The following MED19 variants were observed in gnomAD, a reference collection of about 807,000 sequenced individuals.
MED19 encodes mediator complex subunit 19.
A neutral mutation model predicts 19.9 loss-of-function variants in MED19; 4 were observed. The observed-to-expected ratio is 0.20, with a 90% CI of 0.10 to 0.46. The LOEUF is 0.46. Among genes scored for constraint, MED19 ranks in the 20% least tolerant of loss-of-function variants. The pLI is 0.99. For synonymous variants in MED19, 139 were observed against 119.6 expected (o/e 1.16, Z -1.06); for missense variants, 303 against 318.7 (o/e 0.95, Z 0.38).
At chr11:57,709,755 C>T (rs997907680) in intron 1 of MED19, among the ~76,000 whole-genome samples, 2 of 152,038 alleles carry the variant, frequency 1.3e-5, no homozygotes, top group Admixed American at 6.6e-5. Flanking sequence ...GAGATGGGGT[C>T]TCATTATGTT....
intron 1 of MED19, among the ~76,000 whole-genome samples, chr11:57,706,805 T>G (rs1946513693): frequency 6.6e-6 from 1 of 152,212 alleles, no homozygotes; most frequent in Non-Finnish European, 1.5e-5. Context: ...TCTGGCTGTC[T>G]TCCATGCCTC....
Position 57,704,464 on chromosome 11 carries a change from G to A in MED19, c.572-68C>T, listed in dbSNP as rs1441302282. On this transcript the variant is annotated intron_variant, in intron 3 of 4. Coordinates refer to ENST00000431606, the Ensembl canonical transcript of MED19. ...TCCTCTACTGTTATGAACCACTGAA[G>A]ACTACAGGAAAATCCCAAGTCGGGG... The A allele has an allele frequency of 1.9e-6, 3 of 1,540,338 alleles. No individual in the cohort carries two copies. In the South Asian group the frequency reaches 3.7e-5, roughly 19 times the overall value.
chr11:57,709,020 G>A (rs560677239), intron 1 of MED19, among the ~76,000 whole-genome samples: 1 of 152,310 alleles, frequency 6.6e-6, no homozygotes, highest in Admixed American at 6.5e-5. Flanking sequence ...GAACTTCAAA[G>A]TACTATACCA....
At chr11:57,712,032 T>C (rs998467748) in exon 1 of MED19, 4 of 1,536,292 alleles carry the variant, frequency 2.6e-6, no homozygotes, top group Non-Finnish European at 3.5e-6. Context: ...GGAGGAGCCG[T>C]GGCCGCGGTG....
chr11:57,710,514 GT>G (rs1946554657), intron 1 of MED19, among the ~76,000 whole-genome samples: 1 of 152,054 alleles, frequency 6.6e-6, no homozygotes, highest in African/African-American at 2.4e-5. Flanking sequence ...CTGATTTTCT[GT>G]CCCTCAGATA....
chr11:57,705,251 T>G, intron 1 of MED19, 22 bp from the exon 2 acceptor site: 1 of 1,607,816 alleles, frequency 6.2e-7, no homozygotes, highest in Non-Finnish European at 8.5e-7. Flanking sequence ...AGAATAAAAA[T>G]AAAAAAGATC....
At chr11:57,706,038 A>G (rs1946504683) in intron 1 of MED19, among the ~76,000 whole-genome samples, 1 of 151,950 alleles carries the variant, frequency 6.6e-6, no homozygotes, top group African/African-American at 2.4e-5. Context: ...TCACCTTTAC[A>G]TAAGAAAAGA....
In MED19 at chr11:57,704,980, G is replaced by A. The variant is rs778845196; in HGVS notation, c.467C>T (p.Thr156Ile). The change falls in exon 2 of 5, where the codon ACT (threonine) becomes ATT (isoleucine). Residue 156 changes from threonine to isoleucine, a missense_variant. Physicochemically the swap from Thr to Ile is moderately conservative, Grantham distance 89. Around this residue, in one of 2 missense-constraint regions of MED19, gnomAD observed 274 missense variants for 259.2 expected, o/e 1.06. Coordinates refer to ENST00000431606, the Ensembl canonical transcript of MED19. ...TCCTCCAACAGGACTCACCGGGCCA[G>A]TGTGGAGGCGGAAGCCGGCCAGCAT... 3 of 1,613,186 alleles carry A rather than the reference G, an allele frequency of 1.9e-6. No individual in the cohort carries two copies. The African/African-American group carries it at 4.0e-5, about 22-fold the overall frequency.
chr11:57,705,207 G>A, exon 2 of MED19: 2 of 1,614,106 alleles, frequency 1.2e-6, no homozygotes, highest in Non-Finnish European at 8.5e-7. Context: ...TCAGATTCGT[G>A]CTGCCTGTCA....
At position 57,704,302 on chromosome 11, in the gene MED19, CTTCT is replaced by C; in HGVS notation, c.662_665del (p.Lys221ArgfsTer71). The C allele has an allele frequency of 6.5e-7, 1 of 1,534,334 alleles. No homozygotes were observed. The highest frequency in any genetic ancestry group is 8.7e-7 in the Non-Finnish European group (1 of 1,146,560). On this transcript the variant is annotated frameshift_variant and splice_region_variant, in exon 4 of 5. Transcript: ENST00000431606. LOFTEE classifies it high-confidence loss of function. ...TTGTGGCAATAGGCCTCTACTCTACCTTCTTTTTCTTCTTCTCTTTCTTCTTCCT... is the reference window on the plus strand; with the variant it reads ...TTGTGGCAATAGGCCTCTACTCTACCTTTTCTTCTTCTCTTTCTTCTTCCT...
rs772542476 is a variant in MED19 at position 57,703,997 on chromosome 11, C to G, written c.*41G>C. On this transcript the variant is annotated 3_prime_UTR_variant, in exon 5 of 5. Transcript: ENST00000431606. ...GCAGCTTTTATCAGCAGGTTCAGTA[C>G]AGCAGGAAAAGCCATCCTGGCAAAG... is the stretch of plus-strand genomic sequence containing the variant. 2.6e-6 allele frequency: 4 copies of G among 1,534,662 alleles called. No homozygotes were observed. The South Asian group carries it at 3.6e-5, about 14-fold the overall frequency.
At chr11:57,705,519 T>A (rs148607142) in intron 1 of MED19, among the ~76,000 whole-genome samples, 1 of 151,852 alleles carries the variant, frequency 6.6e-6, no homozygotes, top group Non-Finnish European at 1.5e-5. Flanking sequence ...CCAGGCGTGG[T>A]AGCACGTGCC....
rs1394018203 is a variant in MED19, at chr11:57,711,978, T to A, written c.202A>T (p.Met68Leu). The A allele has an allele frequency of 3.4e-6, 5 of 1,476,074 alleles. No homozygotes were observed. Among genetic ancestry groups the A allele is most frequent in the Middle Eastern group, 1.8e-4 (1 of 5,506 alleles). The allele number at this position is 1,476,074 out of a possible 1,614,324, so 91.4% of individuals were successfully genotyped here. ...GAGTACTCACCTGGCAGTTCCCTCA[T>A]GAGGTAAAAAGGGCCACAGCCAGCT... The change falls in exon 1 of 5, where the codon ATG (methionine) becomes TTG (leucine). Residue 68 changes from methionine (M) to leucine (L), a missense_variant. Around this residue, in one of 2 missense-constraint regions of MED19, gnomAD observed 274 missense variants for 259.2 expected, o/e 1.06. Transcript: ENST00000431606.
chr11:57,703,870 C>T (rs1946477128), exon 5 of MED19: 2 of 1,030,526 alleles, frequency 1.9e-6, no homozygotes, highest in African/African-American at 1.6e-5. Flanking sequence ...AAAAGCATGT[C>T]CCTCTCTCTC....
chr11:57,704,964 A>G lies in MED19; in HGVS notation c.474+9T>C. ...TCCCCATTTGCCTTCTTCCTCCAACAGGACTCACCGGGCCAGTGTGGAGGC... is the reference window on the plus strand; with the variant it reads ...TCCCCATTTGCCTTCTTCCTCCAACGGGACTCACCGGGCCAGTGTGGAGGC... On this transcript the variant is annotated intron_variant, in intron 2 of 4. Transcript: ENST00000431606. The G allele has an allele frequency of 6.2e-7, 1 of 1,611,054 alleles. No homozygotes were observed. Among genetic ancestry groups the G allele is most frequent in the Middle Eastern group, 1.7e-4 (1 of 5,908 alleles).
chr11:57,704,280 T>A (rs559312167), intron 4 of MED19, 22 bp downstream of exon 4: 1 of 1,532,316 alleles, frequency 6.5e-7, no homozygotes, highest in Admixed American at 2.0e-5. Flanking sequence ...CACTGGGTTG[T>A]GGCAATAGGC....
intron 1 of MED19, among the ~76,000 whole-genome samples, chr11:57,711,538 G>C (rs1946605966): frequency 6.6e-6 from 1 of 152,104 alleles, no homozygotes; most frequent in South Asian, 2.1e-4. Context: ...GTTTTTTGTG[G>C]AGACAGGGTT....
chr11:57,705,279 C>T lies in MED19; in HGVS notation c.218-50G>A, dbSNP rs747927286. On this transcript the variant is annotated intron_variant, in intron 1 of 4. Coordinates refer to ENST00000431606, the Ensembl canonical transcript of MED19. ...AAAAGATCAGTCTTCAAAGTAGACC[C>T]AGGGAGTGAAGGACTATATATTAAC... 2.4e-5 allele frequency: 38 copies of T among 1,591,548 alleles called. 1 individual carries two copies. In the East Asian group the frequency reaches 8.3e-4, roughly 35 times the overall value.
intron 4 of MED19, 41 bp from the exon 5 acceptor site, chr11:57,704,147 G>A (rs1453624139): frequency 1.3e-6 from 2 of 1,535,738 alleles, no homozygotes; most frequent in East Asian, 4.9e-5. Flanking sequence ...CTAGGAACTA[G>A]CCTTGGCTTT....
Sources: allele counts gnomAD v4.1 joint callset (sites outside exome capture counted in the v4.1 genomes callset), GRCh38; gene constraint gnomAD v4.1.1; regional missense constraint gnomAD v4.1.1; transcripts MANE v1.5; gene names NCBI Gene and HGNC (gene_info 2026-07-23, HGNC 2026-07-21).